Variants in CHRM2 observed in about 807,000 individuals in gnomAD.
CHRM2 encodes cholinergic receptor muscarinic 2.
In CHRM2, 8 loss-of-function variants were observed where a neutral mutation model predicts 25.0. That is an observed-to-expected ratio of 0.32 (90% confidence interval 0.19 to 0.58). The LOEUF (loss-of-function observed/expected upper bound fraction) is 0.58. CHRM2 is among the 20% of genes least tolerant of loss of function. The pLI, the probability that CHRM2 is intolerant of heterozygous loss-of-function variation, is 0.88. For synonymous variants in CHRM2, 202 were observed against 205.7 expected (o/e 0.98, Z 0.15); for missense variants, 440 against 567.1 (o/e 0.78, Z 2.28).
chr7:136,931,411 A>T (rs1799098018), intron 2 of CHRM2, among the ~76,000 whole-genome samples: 1 of 152,222 alleles, frequency 6.6e-6, no homozygotes. Context: ...AAGTGGCAGA[A>T]GCAGCTTAAG....
intron 2 of CHRM2, among the ~76,000 whole-genome samples, chr7:136,990,185 G>C (rs1803125507): frequency 6.6e-6 from 1 of 152,046 alleles, no homozygotes; most frequent in African/African-American, 2.4e-5. Context: ...TATCAGAGTG[G>C]TACATTTGTT....
chr7:136,971,329 G>A (rs898665356), intron 2 of CHRM2, among the ~76,000 whole-genome samples: 4 of 152,130 alleles, frequency 2.6e-5, no homozygotes, highest in African/African-American at 7.2e-5. Context: ...GACCACACTA[G>A]TTCAGTAAGT....
At chr7:136,878,956 G>A (rs957222230) in intron 2 of CHRM2, among the ~76,000 whole-genome samples, 6 of 151,898 alleles carry the variant, frequency 4.0e-5, no homozygotes, top group Non-Finnish European at 7.4e-5. Flanking sequence ...AGAAATAGAA[G>A]CAAGTCTCAC....
chr7:137,014,046 G>C (rs1025551964), intron 3 of CHRM2, among the ~76,000 whole-genome samples: 3 of 151,972 alleles, frequency 2.0e-5, no homozygotes, highest in Non-Finnish European at 4.4e-5. Flanking sequence ...TCTTATTGAT[G>C]TATTAATTTG....
intron 2 of CHRM2, among the ~76,000 whole-genome samples, chr7:136,933,188 A>T (rs1038330242): frequency 1.3e-5 from 2 of 152,260 alleles, no homozygotes; most frequent in Non-Finnish European, 2.9e-5. Context: ...AGGAAGCTGT[A>T]TCTCACAACT....
chr7:136,902,827 C>G, intron 2 of CHRM2: 1 of 271,578 alleles, frequency 3.7e-6, no homozygotes, highest in South Asian at 3.6e-5. Flanking sequence ...TTTGCTCAAT[C>G]AAGTACAATT....
chr7:136,912,207 C>A (rs1173029256), intron 2 of CHRM2, among the ~76,000 whole-genome samples: 1 of 151,624 alleles, frequency 6.6e-6, no homozygotes, highest in Non-Finnish European at 1.5e-5. Flanking sequence ...GCAAGATATG[C>A]TTAAATATTT....
chr7:137,000,216 T>TG (rs1803902472), intron 3 of CHRM2, among the ~76,000 whole-genome samples: 1 of 92,072 alleles, frequency 1.1e-5, no homozygotes, highest in Non-Finnish European at 2.3e-5. Context: ...TTTTTTTTTT[T>TG]CGGACAGAGT....
chr7:136,924,219 TTTA>T (rs1798608597), intron 2 of CHRM2, among the ~76,000 whole-genome samples: 1 of 152,086 alleles, frequency 6.6e-6, no homozygotes, highest in Non-Finnish European at 1.5e-5. Flanking sequence ...ATGTATTTTT[TTTA>T]TTATTATACT....
At chr7:136,918,138 A>T (rs1225016003) in intron 2 of CHRM2, among the ~76,000 whole-genome samples, 2 of 152,100 alleles carry the variant, frequency 1.3e-5, no homozygotes, top group Non-Finnish European at 2.9e-5. Context: ...TGTCTTCCCA[A>T]CCAGATCATA....
chr7:136,949,763 A>C (rs944043604), intron 2 of CHRM2, among the ~76,000 whole-genome samples: 40 of 150,814 alleles, frequency 2.7e-4, no homozygotes, highest in Admixed American at 8.0e-4. Context: ...TTTTGGAGAC[A>C]GAGTCTTGCT....
At chr7:136,913,861 C>A (rs1797971116) in intron 2 of CHRM2, among the ~76,000 whole-genome samples, 1 of 151,986 alleles carries the variant, frequency 6.6e-6, no homozygotes, top group Non-Finnish European at 1.5e-5. Flanking sequence ...GAGTTTACTA[C>A]CCCCACTTCT....
intron 2 of CHRM2, among the ~76,000 whole-genome samples, chr7:136,965,552 A>C (rs1373848369): frequency 6.6e-6 from 1 of 152,072 alleles, no homozygotes; most frequent in African/African-American, 2.4e-5. Flanking sequence ...AGGTCCAGAT[A>C]CTCTAAAAGA....
At chr7:136,952,393 C>T (rs185712801) in intron 2 of CHRM2, among the ~76,000 whole-genome samples, 79 of 152,054 alleles carry the variant, frequency 5.2e-4, no homozygotes, top group African/African-American at 1.2e-3. Context: ...TAAAGCGTAT[C>T]GAAGATCTTA....
At chr7:137,013,776 A>T (rs1468433067) in intron 3 of CHRM2, among the ~76,000 whole-genome samples, 1 of 152,024 alleles carries the variant, frequency 6.6e-6, no homozygotes, top group Non-Finnish European at 1.5e-5. Context: ...TCATCAACCC[A>T]TGTCTGCCAC....
intron 2 of CHRM2, among the ~76,000 whole-genome samples, chr7:136,959,875 C>T (rs1190801659): frequency 6.6e-6 from 1 of 152,182 alleles, no homozygotes; most frequent in Admixed American, 6.5e-5. Context: ...CGCACCATTG[C>T]ACTCCAGCCT....
At chr7:137,011,215 G>GTGTGTGTGTGTGTGTGTA in intron 3 of CHRM2, among the ~76,000 whole-genome samples, 3 of 134,286 alleles carry the variant, frequency 2.2e-5, no homozygotes, top group African/African-American at 9.6e-5. Context: ...GTGTGTGTGT[G>GTGTGTGTGTGTGTGTGTA]TATATATATA....
At chr7:136,917,183 T>C (rs1293911613) in intron 2 of CHRM2, among the ~76,000 whole-genome samples, 1 of 151,904 alleles carries the variant, frequency 6.6e-6, no homozygotes, top group Non-Finnish European at 1.5e-5. Context: ...TGCTTTCTTT[T>C]ATTTGTAGGC....
intron 2 of CHRM2, among the ~76,000 whole-genome samples, chr7:136,930,882 G>T (rs976641000): frequency 1.9e-5 from 2 of 106,736 alleles, no homozygotes; most frequent in African/African-American, 6.5e-5. Flanking sequence ...GGGCTACAGA[G>T]CCAGACTCAT....
Sources: gnomAD v4.1 joint callset for allele counts (sites outside exome capture counted in the v4.1 genomes callset) on GRCh38, gnomAD v4.1.1 for gene constraint, MANE v1.5 for transcripts, NCBI Gene and HGNC (gene_info 2026-07-23, HGNC 2026-07-21) for gene names.